MMP16: variants seen among roughly 807,000 people sequenced by gnomAD.
MMP16 encodes the protein matrix metallopeptidase 16, also known as matrix metalloproteinase-16.
MMP16 carries 12 observed loss-of-function variants against 67.8 expected under a neutral mutation model. The ratio of observed to expected loss-of-function variants is 0.18; its 90% confidence interval spans 0.11 to 0.29. The LOEUF is 0.29. Among genes scored for constraint, MMP16 ranks in the 10% least tolerant of loss-of-function variants. The probability of loss-of-function intolerance (pLI) is 1.00; values close to 1 mark genes in which losing one functional copy is unlikely to be tolerated. For synonymous variants in MMP16, 249 were observed against 255.9 expected, an observed-to-expected ratio of 0.97 and a Z score of 0.26; for missense variants, 475 against 765.7, an observed-to-expected ratio of 0.62 and a Z score of 4.48.
chr8:88,129,670 T>C lies in MMP16; in HGVS notation c.710-10809A>G, dbSNP rs944227026. Among the ~76,000 whole-genome samples the C allele has an allele frequency of 9.2e-5, 14 of 151,528 alleles. 1 individual carries two copies. The highest frequency in any genetic ancestry group is 1.5e-5 in the Non-Finnish European group (1 of 67,734). On this transcript the variant is annotated intron_variant, in intron 4 of 9. Coordinates refer to ENST00000286614, the MANE Select transcript of MMP16 (RefSeq NM_005941.5). ...TTTCTCTAAAGCAACCCTCTTTCCA[T>C]ACTCTCCCAAGCATGTATTTTTTCA...
At chr8:88,205,859 AT>A (rs1483240274) in intron 1 of MMP16, among the ~76,000 whole-genome samples, 1 of 152,232 alleles carries the variant, frequency 6.6e-6, no homozygotes, top group Non-Finnish European at 1.5e-5. Flanking sequence ...TGCTGTTTAA[AT>A]AAAAAATACA....
At chr8:88,130,035 C>A (rs1808001072) in intron 4 of MMP16, among the ~76,000 whole-genome samples, 1 of 151,704 alleles carries the variant, frequency 6.6e-6, no homozygotes, top group Admixed American at 6.6e-5. Context: ...TAAGAAAAGA[C>A]AAATGTGTTT....
In MMP16 at chr8:88,039,683, G is replaced by A. The variant is rs1264338669; in HGVS notation, c.*1778C>T. 6.6e-6 allele frequency: 1 copy of A among 152,642 alleles called. No homozygotes were observed. The highest frequency in any genetic ancestry group is 2.4e-5 in the African/African-American group (1 of 41,452). The allele number at this position is 152,642 out of a possible 1,614,324, so 9.5% of individuals were successfully genotyped here. On this transcript the variant is annotated 3_prime_UTR_variant, in exon 10 of 10. Coordinates refer to ENST00000286614, the MANE Select transcript of MMP16 (RefSeq NM_005941.5). The surrounding 1 kb of genome is among the most constrained non-coding windows in gnomAD (Gnocchi z 4.5). ...AAGCTGGCTTTCACACAAAGCCAAT[G>A]TCTGACTCATGGGGTGCATTCATTC...
At chr8:88,139,634 C>T (rs1055694816) in intron 4 of MMP16, among the ~76,000 whole-genome samples, 12 of 152,072 alleles carry the variant, frequency 7.9e-5, no homozygotes, top group Admixed American at 2.6e-4. Flanking sequence ...CTGATATGAG[C>T]AGAAGAATCA....
At chr8:88,189,519 A>G (rs1809132894) in intron 2 of MMP16, among the ~76,000 whole-genome samples, 1 of 152,056 alleles carries the variant, frequency 6.6e-6, no homozygotes, top group Admixed American at 6.6e-5. Context: ...CTCACTCTCA[A>G]CACTTCCTTC....
rs1808524722 is a variant in MMP16 at position 88,070,014 on chromosome 8, T to C, written c.1222+4591A>G. 4.6e-5 allele frequency among the ~76,000 whole-genome samples: 7 copies of C among 152,170 alleles called. No homozygotes were observed. The South Asian group carries it at 1.0e-3, about 23-fold the overall frequency. ...ATCTCTTTCTACATAGACAATTATC[T>C]CCATGGATACAGTTTTACTTCTGTT... On this transcript the variant is annotated intron_variant, in intron 7 of 9. Transcript: ENST00000286614.
chr8:88,101,191 T>C (rs976872042), intron 6 of MMP16, among the ~76,000 whole-genome samples: 1 of 151,846 alleles, frequency 6.6e-6, no homozygotes, highest in East Asian at 1.9e-4. Context: ...GGCTCAACAG[T>C]GGAGTCATAC....
intron 1 of MMP16, among the ~76,000 whole-genome samples, chr8:88,312,677 T>C (rs927544132): frequency 6.6e-6 from 1 of 152,110 alleles, no homozygotes; most frequent in Non-Finnish European, 1.5e-5. Flanking sequence ...TAAAGATTAG[T>C]GTCCATTTGA....
chr8:88,086,913 C>T (rs1414659057), intron 6 of MMP16, among the ~76,000 whole-genome samples: 1 of 151,828 alleles, frequency 6.6e-6, no homozygotes, highest in East Asian at 1.9e-4. Context: ...TACCCCTTAA[C>T]CCTGGAACAG....
intron 7 of MMP16, 29 bp downstream of exon 7, chr8:88,074,576 A>G (rs765582407): frequency 6.2e-7 from 1 of 1,608,882 alleles, no homozygotes; most frequent in South Asian, 1.1e-5. Flanking sequence ...TTAAAATACA[A>G]CATAGCCAGA....
chr8:88,166,217 T>C (rs1808708197), intron 4 of MMP16, among the ~76,000 whole-genome samples: 2 of 152,056 alleles, frequency 1.3e-5, no homozygotes, highest in Admixed American at 1.3e-4. Flanking sequence ...AGGGTTAACT[T>C]ATCAAGGTGA....
At chr8:88,127,186 C>T (rs929573983) in intron 4 of MMP16, among the ~76,000 whole-genome samples, 1 of 151,774 alleles carries the variant, frequency 6.6e-6, no homozygotes, top group Non-Finnish European at 1.5e-5. Flanking sequence ...ATATACTGGG[C>T]TCAAGTTTTG....
At chr8:88,225,775 A>G (rs1308903296) in intron 1 of MMP16, among the ~76,000 whole-genome samples, 1 of 151,874 alleles carries the variant, frequency 6.6e-6, no homozygotes, top group Non-Finnish European at 1.5e-5. Flanking sequence ...CTTCTCCCAT[A>G]AGCCATGAGG....
chr8:88,264,443 C>T (rs892578316), intron 1 of MMP16, among the ~76,000 whole-genome samples: 20 of 152,198 alleles, frequency 1.3e-4, no homozygotes, highest in African/African-American at 3.6e-4. Flanking sequence ...TGAAGTTCTC[C>T]TCCCACCTCA....
chr8:88,229,663 G>A (rs1563568428), intron 1 of MMP16, among the ~76,000 whole-genome samples: 2 of 151,850 alleles, frequency 1.3e-5, no homozygotes, highest in South Asian at 4.2e-4. Context: ...TCAGTGAAGG[G>A]GCCACAGCTA....
At chr8:88,109,082 A>C (rs1809290482) in intron 6 of MMP16, among the ~76,000 whole-genome samples, 1 of 151,420 alleles carries the variant, frequency 6.6e-6, no homozygotes, top group African/African-American at 2.4e-5. Flanking sequence ...ACAGAGTTAG[A>C]AGTAAAAAGA....
intron 4 of MMP16, among the ~76,000 whole-genome samples, chr8:88,134,882 T>G (rs1056711507): frequency 6.6e-6 from 1 of 151,694 alleles, no homozygotes. Context: ...TAAAATATCA[T>G]AAGATTGATA....
intron 1 of MMP16, 77 bp downstream of exon 1, chr8:88,326,998 G>T (rs1388434311): frequency 6.3e-7 from 1 of 1,584,274 alleles, no homozygotes; most frequent in Non-Finnish European, 8.6e-7. Flanking sequence ...TGAGCTACAA[G>T]GATCCCAGGA....
chr8:88,056,306 T>C, intron 7 of MMP16, 28 bp from the exon 8 acceptor site: 12 of 1,271,410 alleles, frequency 9.4e-6, no homozygotes, highest in Non-Finnish European at 1.3e-5. Context: ...AAATGTAGAA[T>C]ATATTAATTT....
Sources: gnomAD v4.1 joint callset for allele counts (sites outside exome capture counted in the v4.1 genomes callset) on GRCh38, gnomAD v4.1.1 for gene constraint, Gnocchi (gnomAD v3.1) non-coding constraint, MANE v1.5 for transcripts, NCBI Gene and HGNC (gene_info 2026-07-23, HGNC 2026-07-21) for gene names.